Variants in NRAP observed in about 807,000 individuals in gnomAD.
The protein encoded by NRAP is nebulin related anchoring protein, also known as nebulin-related-anchoring protein.
A neutral mutation model predicts 225.9 loss-of-function variants in NRAP; 189 were observed. That is an observed-to-expected ratio of 0.84 (90% CI 0.74 to 0.94). The LOEUF is 0.94. NRAP is among the 40% of genes least tolerant of loss of function. The pLI is 0.00. For missense variants in NRAP, 2,176 were observed against 2,168.7 expected (o/e 1.00, Z -0.07); for synonymous variants, 769 against 790.7 (o/e 0.97, Z 0.46).
At position 113,634,883 on chromosome 10, in the gene NRAP, T is replaced by C. The variant is rs1848776398; in HGVS notation, c.1429-673A>G. On this transcript the variant is annotated intron_variant, in intron 14 of 41. Coordinates refer to ENST00000359988, the MANE Select transcript of NRAP (RefSeq NM_198060.4). ...ACATGCATCTTCAAGTGGGAGACAA[T>C]GGAGCATCAGCGACTCCTTGTAGGT... 2.0e-5 allele frequency among the ~76,000 whole-genome samples: 3 copies of C among 152,096 alleles called. No homozygotes were observed. In the South Asian group the frequency reaches 6.2e-4, roughly 32 times the overall value.
intron 39 of NRAP, among the ~76,000 whole-genome samples, chr10:113,591,460 C>G (rs1845987969): frequency 6.6e-6 from 1 of 152,194 alleles, no homozygotes; most frequent in African/African-American, 2.4e-5. Flanking sequence ...GGCCTTCACC[C>G]TTTTCAATGA....
In NRAP at chr10:113,604,662, G is replaced by A. The variant is rs1382439597; in HGVS notation, c.4174C>T (p.Pro1392Ser). Residue 1392 changes from proline (P) to serine (S), a missense_variant, in exon 35 of 42, where the codon CCC becomes TCC. Coordinates refer to ENST00000359988, the MANE Select transcript of NRAP (RefSeq NM_198060.4). ...GCCCAGGCCATCTTCAGGTCCTCGG[G>A]CAGTGCTGTGAACTTGTGATACTGT... ...RTQYHKFTAL[P>S]EDLKMAWAKK... The A allele has an allele frequency of 5.0e-6, 8 of 1,614,080 alleles. No homozygotes were observed. The African/African-American group carries it at 9.3e-5, about 19-fold the overall frequency.
chr10:113,648,467 C>CTCTCTCTCTCTCTATATA (rs749486311), intron 9 of NRAP, among the ~76,000 whole-genome samples: 14 of 87,382 alleles, frequency 1.6e-4, no homozygotes, highest in African/African-American at 4.5e-4. Flanking sequence ...CTCTCTCTCT[C>CTCTCTCTCTCTCTATATA]TATATATATA....
chr10:113,626,295 A>T, intron 20 of NRAP, 150 bp from the exon 21 acceptor site: 1 of 611,548 alleles, frequency 1.6e-6, no homozygotes, highest in Non-Finnish European at 2.9e-6. Context: ...CTTGAACAGA[A>T]CCACACAGCC....
chr10:113,636,669 A>G (rs746790466), intron 14 of NRAP, among the ~76,000 whole-genome samples: 3 of 152,190 alleles, frequency 2.0e-5, no homozygotes, highest in Non-Finnish European at 2.9e-5. Flanking sequence ...ATGATGCAAA[A>G]TCTTGCAATT....
chr10:113,648,965 A>G (rs1849767303), intron 9 of NRAP, among the ~76,000 whole-genome samples: 1 of 152,252 alleles, frequency 6.6e-6, no homozygotes, highest in African/African-American at 2.4e-5. Context: ...TGCCAAATAT[A>G]GAAGCCAGAT....
chr10:113,626,253 C>T, intron 20 of NRAP, 108 bp from the exon 21 acceptor site: 1 of 717,240 alleles, frequency 1.4e-6, no homozygotes, highest in East Asian at 2.8e-5. Flanking sequence ...CCAAGCATTT[C>T]CTTGGGAGGA....
In NRAP at chr10:113,597,088, C is replaced by T; in HGVS notation, c.4429G>A (p.Glu1477Lys). 1 of 1,604,960 alleles carries T rather than the reference C, an allele frequency of 6.2e-7. No homozygotes were observed. Among genetic ancestry groups the T allele is most frequent in the Non-Finnish European group, 8.5e-7 (1 of 1,171,598 alleles). The change falls in exon 37 of 42, where the codon GAG becomes AAG. Residue 1477 changes from glutamate to lysine, a missense_variant and splice_region_variant. Physicochemically the swap from Glu to Lys is moderately conservative, Grantham distance 56. Coordinates refer to ENST00000359988, the MANE Select transcript of NRAP (RefSeq NM_198060.4). ...HAKNSYMHCN[E>K]RMYRSGDAES... is the part of the protein sequence containing the mutation. ...ATGAATGACAAGAAAGGACCCACCT[C>T]ATTGCAGTGCATATAGCTGTTCTTG...
At chr10:113,629,951 C>T (rs2134026450) in intron 18 of NRAP, among the ~76,000 whole-genome samples, 166 bp from the exon 19 acceptor site, 1 of 152,324 alleles carries the variant, frequency 6.6e-6, no homozygotes, top group Non-Finnish European at 1.5e-5. Context: ...CTCTGAAAGG[C>T]AGCATCATGA....
rs760100012 is a variant in NRAP, at chr10:113,663,791, G to A, written c.72+20C>T. On this transcript the variant is annotated intron_variant, in intron 1 of 41. Coordinates refer to ENST00000359988, the MANE Select transcript of NRAP (RefSeq NM_198060.4). ...CCTGTGTTTGTTATTATTCACAAAA[G>A]CCAAGAAATGTCTACTGACCTGATC... The A allele has an allele frequency of 5.7e-6, 9 of 1,585,240 alleles. No homozygotes were observed. In the African/African-American group the frequency reaches 1.1e-4, roughly 19 times the overall value.
chr10:113,628,888 T>C lies in NRAP; in HGVS notation c.2145+29A>G, dbSNP rs749471680. On this transcript the variant is annotated intron_variant, in intron 20 of 41. Transcript: ENST00000359988. ...GCATGTGTCAGGGGCTGAGGACTACTGGAGGCCAGAGGCCCCAGTGCAGGT... is the reference window on the plus strand; with the variant it reads ...GCATGTGTCAGGGGCTGAGGACTACCGGAGGCCAGAGGCCCCAGTGCAGGT... 10 of 1,314,114 alleles carry C rather than the reference T, an allele frequency of 7.6e-6. No individual in the cohort carries two copies. In the Admixed American group the frequency reaches 1.4e-4, roughly 18 times the overall value. 81.4% of individuals were successfully genotyped at this position (1,314,114 alleles called of 1,614,324 possible).
rs565330084 is a variant in NRAP at position 113,604,670 on chromosome 10, G to A, written c.4166C>T (p.Thr1389Ile). Residue 1389 changes from threonine to isoleucine, a missense_variant, in exon 35 of 42, where the codon ACA (threonine) becomes ATA (isoleucine). Transcript: ENST00000359988. ...HDYRTQYHKF[T>I]ALPEDLKMAW... ...CATCTTCAGGTCCTCGGGCAGTGCT[G>A]TGAACTTGTGATACTGTGTCCTGTA... is the stretch of plus-strand genomic sequence containing the variant. 1 of 1,614,212 alleles carries A rather than the reference G, an allele frequency of 6.2e-7. No individual in the cohort carries two copies. Among genetic ancestry groups the A allele is most frequent in the East Asian group, 2.2e-5 (1 of 44,876 alleles).
chr10:113,643,061 A>G (rs1849299145), intron 11 of NRAP, 23 bp from the exon 12 acceptor site: 2 of 1,121,966 alleles, frequency 1.8e-6, no homozygotes, highest in East Asian at 4.7e-5. Context: ...AACACCAGAC[A>G]CACAATAGAA....
rs1346897405 is a variant in NRAP, at chr10:113,588,887, C to G, written c.*88G>C. Reference sequence around the variant, plus strand: ...ATCTGGGATGGGCTGGTGGGCCATTCCAGCTTGCCGAAATCAAAGCCATCT... The same window carrying G: ...ATCTGGGATGGGCTGGTGGGCCATTGCAGCTTGCCGAAATCAAAGCCATCT... On this transcript the variant is annotated 3_prime_UTR_variant, in exon 42 of 42. Transcript: ENST00000359988. 1 of 972,274 alleles carries G rather than the reference C, an allele frequency of 1.0e-6. No homozygotes were observed. The highest frequency in any genetic ancestry group is 1.6e-5 in the African/African-American group (1 of 62,410). 60.2% of individuals were successfully genotyped at this position (972,274 alleles called of 1,614,324 possible).
In NRAP at chr10:113,631,514, T is replaced by C; in HGVS notation, c.1837A>G (p.Ser613Gly). ...GGGGTTAGAAAAGAGTTTACCTCACTGCTCATCTTAGCAATCTGCAGGGAG... is the reference window on the plus strand; with the variant it reads ...GGGGTTAGAAAAGAGTTTACCTCACCGCTCATCTTAGCAATCTGCAGGGAG... ...LHSLQIAKMS[S>G]EVEYKKGFEE... The change falls in exon 18 of 42, where the codon AGT becomes GGT. Residue 613 changes from serine to glycine, a missense_variant. Physicochemically the swap from Ser to Gly is moderately conservative, Grantham distance 56 (BLOSUM62 0). This residue lies in a region of NRAP where 1,708 missense variants were observed against 1,695.5 expected (regional missense o/e 1.01). Coordinates refer to ENST00000359988, the MANE Select transcript of NRAP (RefSeq NM_198060.4). 1 of 1,597,982 alleles carries C rather than the reference T, an allele frequency of 6.3e-7. No individual in the cohort carries two copies.
intron 3 of NRAP, among the ~76,000 whole-genome samples, chr10:113,658,319 T>C (rs1258215441): frequency 6.6e-6 from 1 of 152,206 alleles, no homozygotes; most frequent in Non-Finnish European, 1.5e-5. Flanking sequence ...CAAGATTTCT[T>C]GGCTATTTTA....
intron 20 of NRAP, among the ~76,000 whole-genome samples, chr10:113,626,581 G>A (rs1475752333): frequency 6.6e-6 from 1 of 152,046 alleles, no homozygotes. Context: ...GTGTACAATG[G>A]GGACAACAGT....
chr10:113,631,323 TA>T lies in NRAP; in HGVS notation c.1842+185del, dbSNP rs368986367. On this transcript the variant is annotated intron_variant, in intron 18 of 41. Transcript: ENST00000359988. ...CTTAGGGCCACACTCCTTATCTATT[TA>T]AAAAAAAATAGTATGCTTTGGCAAA... Among the ~76,000 whole-genome samples, 2,416 of 151,500 alleles carry T rather than the reference TA, an allele frequency of 0.016. 59 individuals carry two copies. Among genetic ancestry groups the T allele is most frequent in the African/African-American group, 0.055 (2,276 of 41,318 alleles).
At chr10:113,626,740 G>A (rs987981106) in intron 20 of NRAP, among the ~76,000 whole-genome samples, 1 of 152,198 alleles carries the variant, frequency 6.6e-6, no homozygotes, top group African/African-American at 2.4e-5. Context: ...AGGAGACACA[G>A]AGCCACAGAC....
Sources: allele counts gnomAD v4.1 joint callset (sites outside exome capture counted in the v4.1 genomes callset), GRCh38; gene constraint gnomAD v4.1.1; regional missense constraint gnomAD v4.1.1; transcripts MANE v1.5; gene names NCBI Gene and HGNC (gene_info 2026-07-23, HGNC 2026-07-21).